The following CPPED1 variants were observed in gnomAD, a reference collection of about 807,000 sequenced individuals.
CPPED1 encodes serine/threonine-protein phosphatase CPPED1.
In CPPED1, 28 loss-of-function variants were observed where a neutral mutation model predicts 28.0. That is an observed-to-expected ratio of 1.00 (90% CI 0.74 to 1.37). The LOEUF (loss-of-function observed/expected upper bound fraction) is 1.37. Ranked by LOEUF, CPPED1 falls within the 40% of genes most tolerant of loss-of-function variation. CPPED1 has a pLI of 0.00. For missense variants in CPPED1, 504 were observed against 416.5 expected (o/e 1.21, Z -1.83); for synonymous variants, 198 against 180.2 (o/e 1.10, Z -0.79).
intron 2 of CPPED1, among the ~76,000 whole-genome samples, chr16:12,715,875 C>T (rs2080104709): frequency 6.6e-6 from 1 of 152,166 alleles, no homozygotes; most frequent in East Asian, 1.9e-4. Context: ...AGCCCGTATG[C>T]AGCCCAGGAT....
intron 3 of CPPED1, among the ~76,000 whole-genome samples, chr16:12,666,543 T>C (rs1443423425): frequency 6.6e-6 from 1 of 152,180 alleles, no homozygotes; most frequent in Non-Finnish European, 1.5e-5. Context: ...AAGACCTGAT[T>C]TGTCACATTT....
intron 2 of CPPED1, among the ~76,000 whole-genome samples, chr16:12,721,581 C>T (rs1358450249): frequency 1.3e-5 from 2 of 151,970 alleles, no homozygotes; most frequent in Non-Finnish European, 2.9e-5. Flanking sequence ...GGTGAAACCT[C>T]GTCCCTACTA....
chr16:12,749,931 T>C (rs2080316671), intron 2 of CPPED1, among the ~76,000 whole-genome samples: 1 of 152,188 alleles, frequency 6.6e-6, no homozygotes, highest in Non-Finnish European at 1.5e-5. Flanking sequence ...TGGTGAATCC[T>C]TTCCAGAAGG....
chr16:12,688,485 G>C (rs9934721), intron 3 of CPPED1, among the ~76,000 whole-genome samples: 35,841 of 151,506 alleles, frequency 0.24, 7,121 homozygotes, highest in African/African-American at 0.55. Context: ...ATTACAGGCA[G>C]CCGCCACCAC....
At chr16:12,681,358 C>G (rs1336246472) in intron 3 of CPPED1, among the ~76,000 whole-genome samples, 4 of 152,054 alleles carry the variant, frequency 2.6e-5, no homozygotes, top group Non-Finnish European at 5.9e-5. Context: ...TCACTCTTGC[C>G]AGGGATGCCC....
chr16:12,735,863 G>A (rs1389659476), intron 2 of CPPED1, among the ~76,000 whole-genome samples: 1 of 152,218 alleles, frequency 6.6e-6, no homozygotes, highest in Admixed American at 6.5e-5. Flanking sequence ...TGTTTTGCAT[G>A]AGACTAAAAA....
chr16:12,727,716 C>T (rs1187889595), intron 2 of CPPED1, among the ~76,000 whole-genome samples: 1 of 152,154 alleles, frequency 6.6e-6, no homozygotes, highest in South Asian at 2.1e-4. Context: ...AATGACAAGG[C>T]TATACAACTT....
At chr16:12,797,479 C>A (rs893350578) in intron 1 of CPPED1, among the ~76,000 whole-genome samples, 1 of 151,344 alleles carries the variant, frequency 6.6e-6, no homozygotes, top group Non-Finnish European at 1.5e-5. Flanking sequence ...GGCTTGAGCC[C>A]AGGAGGGGGA....
chr16:12,789,328 C>A (rs928894592), intron 1 of CPPED1, among the ~76,000 whole-genome samples: 4 of 152,040 alleles, frequency 2.6e-5, no homozygotes, highest in African/African-American at 9.7e-5. Context: ...AAGAGGAGAC[C>A]CAGCAAAGGA....
At chr16:12,691,728 C>T (rs547232063) in intron 3 of CPPED1, among the ~76,000 whole-genome samples, 9 of 148,476 alleles carry the variant, frequency 6.1e-5, no homozygotes, top group East Asian at 2.0e-4. Flanking sequence ...GACCAAACAC[C>T]GCATGTTCTC....
At chr16:12,768,053 T>G (rs1460702459) in intron 2 of CPPED1, among the ~76,000 whole-genome samples, 2 of 152,198 alleles carry the variant, frequency 1.3e-5, no homozygotes, top group African/African-American at 2.4e-5. Flanking sequence ...AAGATAAGAT[T>G]TTCCAGGAAA....
At chr16:12,756,517 C>T (rs1370754272) in intron 2 of CPPED1, among the ~76,000 whole-genome samples, 1 of 152,006 alleles carries the variant, frequency 6.6e-6, no homozygotes, top group Non-Finnish European at 1.5e-5. Flanking sequence ...ATGGCAAAAC[C>T]CTGTGTCTAC....
rs2079789966 is a variant in CPPED1 at position 12,660,814 on chromosome 16, A to G, written c.*4072T>C. The G allele has an allele frequency of 6.6e-6, 1 of 152,250 alleles. No homozygotes were observed. 9.4% of individuals were successfully genotyped at this position (152,250 alleles called of 1,614,324 possible). On this transcript the variant is annotated 3_prime_UTR_variant, in exon 4 of 4. Coordinates refer to ENST00000381774, the MANE Select transcript of CPPED1 (RefSeq NM_018340.3). ...TTTTAGGTACCACTTGGGAATAAGT[A>G]TTAAGAGTTCAAGTAAGGCTGGGTA...
chr16:12,733,547 T>C (rs150564142), intron 2 of CPPED1, among the ~76,000 whole-genome samples: 365 of 152,246 alleles, frequency 2.4e-3, no homozygotes, highest in Middle Eastern at 6.8e-3. Flanking sequence ...AGTGCTGGGA[T>C]TACAGGTGTG....
At chr16:12,796,879 C>T (rs971638301) in intron 1 of CPPED1, among the ~76,000 whole-genome samples, 7 of 151,686 alleles carry the variant, frequency 4.6e-5, no homozygotes, top group Non-Finnish European at 1.5e-5. Flanking sequence ...AATAGGTGGT[C>T]GGATAAACAA....
intron 2 of CPPED1, among the ~76,000 whole-genome samples, chr16:12,736,365 G>A (rs1226969264): frequency 2.9e-4 from 44 of 151,328 alleles, no homozygotes; most frequent in Non-Finnish European, 4.4e-5. Flanking sequence ...CATACCTCCC[G>A]GGTAGCTAAG....
Position 12,766,277 on chromosome 16 carries a change from G to GAGAGAGA in CPPED1, c.289+14907_289+14908insTCTCTCT, listed in dbSNP as rs1567301044. 9.2e-5 allele frequency among the ~76,000 whole-genome samples: 11 copies of GAGAGAGA among 119,944 alleles called. 1 individual carries two copies. The highest frequency in any genetic ancestry group is 3.9e-4 in the African/African-American group (10 of 25,536). The allele number at this position is 119,944 out of a possible 152,430, so 78.7% of individuals were successfully genotyped here. A position where few individuals can be genotyped will look rare whatever the true frequency, so the allele number is the denominator to read the frequency against. ...TATATAGAGAGAGAGAGAGAGAGAG[G>GAGAGAGA]GAGAGAGAGAGAGAGAAAGAGAGAG... On this transcript the variant is annotated intron_variant, in intron 2 of 3. Transcript: ENST00000381774.
At chr16:12,781,073 G>A (rs888949970) in intron 2 of CPPED1, 112 bp downstream of exon 2, 11 of 804,224 alleles carry the variant, frequency 1.4e-5, no homozygotes, top group African/African-American at 6.9e-5. Context: ...GCGAAAGAAC[G>A]GTCCATGACT....
At chr16:12,724,994 G>C (rs1333544129) in intron 2 of CPPED1, among the ~76,000 whole-genome samples, 1 of 152,004 alleles carries the variant, frequency 6.6e-6, no homozygotes, top group African/African-American at 2.4e-5. Context: ...CACTGTGTTA[G>C]CCAGGATAGT....
Sources: allele counts gnomAD v4.1 joint callset (sites outside exome capture counted in the v4.1 genomes callset), GRCh38; gene constraint gnomAD v4.1.1; transcripts MANE v1.5; gene names NCBI Gene and HGNC (gene_info 2026-07-23, HGNC 2026-07-21).